FOXO1: variants seen among roughly 807,000 people sequenced by gnomAD.
FOXO1 encodes the protein forkhead box O1, also known as forkhead box protein O1.
A neutral mutation model predicts 44.1 loss-of-function variants in FOXO1; 6 were observed. The ratio of observed to expected loss-of-function variants is 0.14; its 90% confidence interval spans 0.07 to 0.27. The LOEUF is 0.27. FOXO1 is among the 10% of genes least tolerant of loss of function. The pLI is 1.00. For synonymous variants in FOXO1, 380 were observed against 362.7 expected (o/e 1.05, Z -0.54); for missense variants, 737 against 888.8 (o/e 0.83, Z 2.17).
chr13:40,653,362 G>A (rs1363208573), intron 1 of FOXO1, among the ~76,000 whole-genome samples: 1 of 152,122 alleles, frequency 6.6e-6, no homozygotes, highest in African/African-American at 2.4e-5. Flanking sequence ...ATTCTGTGCT[G>A]GGGATTCCTC....
chr13:40,664,209 G>A (rs982497255), intron 1 of FOXO1, among the ~76,000 whole-genome samples: 1 of 152,188 alleles, frequency 6.6e-6, no homozygotes, highest in Non-Finnish European at 1.5e-5. Flanking sequence ...AGAGTCGGAG[G>A]TTGCAGTGAG....
Position 40,558,585 on chromosome 13 carries a change from CA to C in FOXO1, c.*463del. On this transcript the variant is annotated 3_prime_UTR_variant, in exon 3 of 3. Coordinates refer to ENST00000379561, the MANE Select transcript of FOXO1 (RefSeq NM_002015.4). ...TTCCGCAGAAAACAGGTAGTACAAA[CA>C]AAAGTTTAACTTATCAAGACATGAG... 3.0e-6 allele frequency: 1 copy of C among 337,582 alleles called. No homozygotes were observed. The highest frequency in any genetic ancestry group is 5.3e-6 in the Non-Finnish European group (1 of 188,234). The allele number at this position is 337,582 out of a possible 1,614,324, so 20.9% of individuals were successfully genotyped here.
At chr13:40,577,449 A>G (rs1874801366) in intron 1 of FOXO1, among the ~76,000 whole-genome samples, 1 of 152,186 alleles carries the variant, frequency 6.6e-6, no homozygotes, top group African/African-American at 2.4e-5. Flanking sequence ...CACAGTTACT[A>G]GCAAACAAAG....
intron 1 of FOXO1, among the ~76,000 whole-genome samples, chr13:40,614,075 G>A (rs999393240): frequency 6.6e-6 from 1 of 152,150 alleles, no homozygotes; most frequent in African/African-American, 2.4e-5. Context: ...CCTGATTTCA[G>A]TGGCTACTCT....
At chr13:40,658,164 T>C (rs1316286415) in intron 1 of FOXO1, among the ~76,000 whole-genome samples, 2 of 152,214 alleles carry the variant, frequency 1.3e-5, no homozygotes, top group South Asian at 2.1e-4. Flanking sequence ...GACTTGAACC[T>C]TGCACACTGA....
chr13:40,601,251 T>C (rs947802767), intron 1 of FOXO1, among the ~76,000 whole-genome samples: 8 of 152,178 alleles, frequency 5.3e-5, no homozygotes, highest in African/African-American at 1.9e-4. Context: ...ATAAATAACA[T>C]AAAAACAAGA....
At chr13:40,597,333 G>A (rs998798678) in intron 1 of FOXO1, among the ~76,000 whole-genome samples, 3 of 152,184 alleles carry the variant, frequency 2.0e-5, no homozygotes, top group African/African-American at 7.2e-5. Flanking sequence ...CAGCCTTGGA[G>A]CCTGTTCTCT....
chr13:40,666,034 G>A lies in FOXO1; in HGVS notation c.179C>T (p.Ser60Leu), dbSNP rs1291996842. 9.3e-6 allele frequency: 12 copies of A among 1,287,220 alleles called. No individual in the cohort carries two copies. The East Asian group carries it at 3.8e-4, about 40-fold the overall frequency. The allele number at this position is 1,287,220 out of a possible 1,614,324, so 79.7% of individuals were successfully genotyped here. A position where few individuals can be genotyped will look rare whatever the true frequency, so the allele number is the denominator to read the frequency against. ...GGCGCTGACAGCGGCAGCCGAGGCCGAGGGCAGGCCCGCCGCGGCGTCGGG... is the reference window on the plus strand; with the variant it reads ...GGCGCTGACAGCGGCAGCCGAGGCCAAGGGCAGGCCCGCCGCGGCGTCGGG... ...ANPDAAAGLP[S>L]ASAAAVSADF... The change falls in exon 1 of 3, where the codon TCG (serine) becomes TTG (leucine). Residue 60 changes from serine (S) to leucine (L), a missense_variant. Physicochemically the swap from Ser to Leu is moderately radical, Grantham distance 145. This residue lies in a region of FOXO1 where 213 missense variants were observed against 236.4 expected (regional missense o/e 0.90). Transcript: ENST00000379561.
chr13:40,577,066 C>T (rs1210050553), intron 1 of FOXO1, among the ~76,000 whole-genome samples: 1 of 152,190 alleles, frequency 6.6e-6, no homozygotes, highest in Non-Finnish European at 1.5e-5. Context: ...TTAGTCAGTA[C>T]CCTGGTGGAT....
intron 1 of FOXO1, among the ~76,000 whole-genome samples, chr13:40,591,508 T>A (rs2137865651): frequency 6.6e-6 from 1 of 152,200 alleles, no homozygotes; most frequent in East Asian, 1.9e-4. Flanking sequence ...GGAAACCTGG[T>A]GCCATACTTA....
In FOXO1 at chr13:40,621,940, C is replaced by T. The variant is rs546820594; in HGVS notation, c.630+43643G>A. Among the ~76,000 whole-genome samples the T allele has an allele frequency of 6.6e-5, 10 of 152,174 alleles. No individual in the cohort carries two copies. The South Asian group carries it at 8.3e-4, about 13-fold the overall frequency. On this transcript the variant is annotated intron_variant, in intron 1 of 2. Coordinates refer to ENST00000379561, the MANE Select transcript of FOXO1 (RefSeq NM_002015.4). Reference sequence around the variant, plus strand: ...TATTTAAGCTTTTGGGCTAATACTGCGTATGGCACAATGTTTAATACTGGC... The same window carrying T: ...TATTTAAGCTTTTGGGCTAATACTGTGTATGGCACAATGTTTAATACTGGC...
chr13:40,562,174 T>C (rs1299630826), intron 1 of FOXO1, among the ~76,000 whole-genome samples: 2 of 152,198 alleles, frequency 1.3e-5, no homozygotes, highest in South Asian at 2.1e-4. Flanking sequence ...CAATGACCAG[T>C]AGTATGAGCA....
Position 40,664,463 on chromosome 13 carries a change from C to T in FOXO1, c.630+1120G>A, listed in dbSNP as rs535249202. On this transcript the variant is annotated intron_variant, in intron 1 of 2. Coordinates refer to ENST00000379561, the MANE Select transcript of FOXO1 (RefSeq NM_002015.4). ...GGAAGTGCCTGCCCCCACGCTAAGT[C>T]TCTCCTGGCCACGCTCTGAAAGGCA... 1.2e-3 allele frequency among the ~76,000 whole-genome samples: 189 copies of T among 152,106 alleles called. 1 individual carries two copies. Among genetic ancestry groups the T allele is most frequent in the African/African-American group, 4.4e-3 (182 of 41,504 alleles).
rs1875063246 is a variant in FOXO1, at chr13:40,584,213, A to G, written c.631-23353T>C. ...AGTGAGTCTAATTCCACTCTCTAAA[A>G]CTCATCCCTTGAGAAAGGCTGAATA... On this transcript the variant is annotated intron_variant, in intron 1 of 2. Coordinates refer to ENST00000379561, the MANE Select transcript of FOXO1 (RefSeq NM_002015.4). Among the ~76,000 whole-genome samples the G allele has an allele frequency of 3.3e-5, 5 of 151,708 alleles. No individual in the cohort carries two copies. In the South Asian group the frequency reaches 1.0e-3, roughly 32 times the overall value.
intron 1 of FOXO1, among the ~76,000 whole-genome samples, chr13:40,664,293 T>C (rs995055792): frequency 2.0e-5 from 3 of 152,058 alleles, no homozygotes; most frequent in African/African-American, 4.8e-5. Flanking sequence ...GGGAGGTGTT[T>C]AGCTCAACTA....
At chr13:40,659,410 C>T (rs1442444265) in intron 1 of FOXO1, among the ~76,000 whole-genome samples, 3 of 149,306 alleles carry the variant, frequency 2.0e-5, no homozygotes, top group African/African-American at 7.4e-5. Context: ...ATCATCAGAA[C>T]AAAAACCAGA....
At chr13:40,576,836 A>T (rs2137844833) in intron 1 of FOXO1, among the ~76,000 whole-genome samples, 1 of 152,356 alleles carries the variant, frequency 6.6e-6, no homozygotes, top group South Asian at 2.1e-4. Flanking sequence ...GACTGCTTTC[A>T]TACATTTTAT....
At chr13:40,624,543 G>C (rs576087742) in intron 1 of FOXO1, among the ~76,000 whole-genome samples, 3 of 152,262 alleles carry the variant, frequency 2.0e-5, no homozygotes, top group Admixed American at 6.5e-5. Context: ...CTGACTAAAG[G>C]GGGTGGGGTG....
chr13:40,646,793 C>T (rs574158579), intron 1 of FOXO1, among the ~76,000 whole-genome samples: 2 of 152,206 alleles, frequency 1.3e-5, no homozygotes, highest in South Asian at 2.1e-4. Flanking sequence ...AGGGTTTCAC[C>T]ATGTCGGCCA....
Sources: gnomAD v4.1 joint callset for allele counts (sites outside exome capture counted in the v4.1 genomes callset) on GRCh38, gnomAD v4.1.1 for gene constraint, gnomAD v4.1.1 regional missense constraint, MANE v1.5 for transcripts, NCBI Gene and HGNC (gene_info 2026-07-23, HGNC 2026-07-21) for gene names.